PCDH11X: variants seen among roughly 807,000 people sequenced by gnomAD.
PCDH11X encodes protocadherin 11 X-linked.
A neutral mutation model predicts 53.3 loss-of-function variants in PCDH11X; 18 were observed. The observed-to-expected ratio is 0.34, with a 90% CI of 0.23 to 0.50. The LOEUF is 0.50. Among genes scored for constraint, PCDH11X ranks in the 20% least tolerant of loss-of-function variants. The pLI is 0.98. For synonymous variants in PCDH11X, 279 were observed against 393.3 expected (o/e 0.71, Z 3.44); for missense variants, 570 against 1,032.4 (o/e 0.55, Z 6.14).
At chrX:92,601,567 T>G (rs1374278422) in intron 10 of PCDH11X, among the ~76,000 whole-genome samples, 1 of 108,703 alleles carries the variant, frequency 9.2e-6, no homozygotes, top group Non-Finnish European at 1.9e-5. Context: ...GGGTATATAC[T>G]CAAAAGTAGT....
At position 92,486,834 on chromosome X, in the gene PCDH11X, C is replaced by A. The variant is rs1380574427; in HGVS notation, c.3367+18512C>A. On this transcript the variant is annotated intron_variant, in intron 10 of 10. Coordinates refer to ENST00000682573, the MANE Select transcript of PCDH11X (RefSeq NM_032968.5). The stretch of plus-strand genomic sequence containing the variant: ...AGCATATATTAAGCAGAGGTAAGAT[C>A]ATCATCTTGTCAAAGAAGGATTTTA... 5.6e-5 allele frequency among the ~76,000 whole-genome samples: 6 copies of A among 108,060 alleles called. No individual in the cohort carries two copies. The East Asian group carries it at 1.8e-3, about 32-fold the overall frequency. 93.8% of individuals were successfully genotyped at this position (108,060 alleles called of 115,157 possible).
intron 10 of PCDH11X, among the ~76,000 whole-genome samples, chrX:92,521,566 G>T (rs1448665067): frequency 1.8e-5 from 2 of 112,235 alleles, no homozygotes; most frequent in Admixed American, 1.9e-4. Flanking sequence ...AATGGTCAAT[G>T]AGCACTGGTT....
At chrX:92,156,453 A>C (rs2759782) in intron 6 of PCDH11X, among the ~76,000 whole-genome samples, 1 of 111,298 alleles carries the variant, frequency 9.0e-6, no homozygotes, top group African/African-American at 3.3e-5. Context: ...TTGCAACTAT[A>C]CTCCCACACA....
chrX:92,171,308 C>T (rs1243677184), intron 6 of PCDH11X, among the ~76,000 whole-genome samples: 3 of 104,422 alleles, frequency 2.9e-5, no homozygotes, highest in Non-Finnish European at 3.9e-5. Context: ...TGTTGTTTTT[C>T]CAAAATTTTA....
intron 1 of PCDH11X, among the ~76,000 whole-genome samples, chrX:91,802,635 T>C (rs931281627): frequency 8.9e-6 from 1 of 111,827 alleles, no homozygotes; most frequent in Non-Finnish European, 1.9e-5. Context: ...GTGATTTGTA[T>C]GGAGAATTGC....
At chrX:92,264,630 C>G (rs1017932381) in intron 8 of PCDH11X, among the ~76,000 whole-genome samples, 16 of 111,430 alleles carry the variant, frequency 1.4e-4, no homozygotes, top group African/African-American at 5.2e-4. Flanking sequence ...TGGAAATGAA[C>G]TTGTGGCTCA....
chrX:91,913,912 G>A (rs1834826911), intron 6 of PCDH11X, among the ~76,000 whole-genome samples: 1 of 108,611 alleles, frequency 9.2e-6, no homozygotes, highest in Non-Finnish European at 1.9e-5. Context: ...GTGTGTCCAT[G>A]TGACAACTTC....
chrX:92,160,785 C>T (rs1274808929), intron 6 of PCDH11X, among the ~76,000 whole-genome samples: 4 of 110,148 alleles, frequency 3.6e-5, no homozygotes, highest in Admixed American at 9.7e-5. Context: ...GTTTACATTT[C>T]CACCAGCAGT....
rs1187619357 is a variant in PCDH11X at position 91,829,834 on chromosome X, C to T, written c.-44-5627C>T. Among the ~76,000 whole-genome samples, 3 of 111,420 alleles carry T rather than the reference C, an allele frequency of 2.7e-5. No homozygotes were observed. In the East Asian group the frequency reaches 8.4e-4, roughly 31 times the overall value. ...AAATGAAATAACTGATTTGAAATCA[C>T]ATAGAGCAATTCAAATACTACACCA... On this transcript the variant is annotated intron_variant, in intron 4 of 10. Coordinates refer to ENST00000682573, the MANE Select transcript of PCDH11X (RefSeq NM_032968.5).
intron 6 of PCDH11X, among the ~76,000 whole-genome samples, chrX:92,174,959 T>C (rs1403116684): frequency 9.0e-6 from 1 of 111,521 alleles, no homozygotes; most frequent in Non-Finnish European, 1.9e-5. Context: ...AGTTCCAGCA[T>C]AAAAGCATAT....
intron 10 of PCDH11X, among the ~76,000 whole-genome samples, chrX:92,539,460 C>T: frequency 9.0e-6 from 1 of 111,153 alleles, no homozygotes; most frequent in East Asian, 2.9e-4. Context: ...ATTTCAATCT[C>T]TTTGTTAAAT....
chrX:92,101,210 C>T (rs770532722), intron 6 of PCDH11X, among the ~76,000 whole-genome samples: 12 of 111,254 alleles, frequency 1.1e-4, no homozygotes, highest in South Asian at 7.6e-4. Context: ...TAGTTGAGAA[C>T]GGAGAATAGG....
chrX:92,255,519 G>A (rs572073099), intron 7 of PCDH11X, among the ~76,000 whole-genome samples: 5,943 of 108,090 alleles, frequency 0.055, 374 homozygotes, highest in African/African-American at 0.17. Flanking sequence ...GAGGCGCTCT[G>A]ATTTTTAGAG....
chrX:92,327,259 A>G (rs1317395139), intron 8 of PCDH11X, among the ~76,000 whole-genome samples: 2 of 105,192 alleles, frequency 1.9e-5, no homozygotes, highest in Non-Finnish European at 3.9e-5. Context: ...AAGTCTTGAG[A>G]TACAAGATTG....
At chrX:92,555,030 G>A (rs1374997879) in intron 10 of PCDH11X, among the ~76,000 whole-genome samples, 3 of 111,736 alleles carry the variant, frequency 2.7e-5, no homozygotes, top group Non-Finnish European at 5.6e-5. Context: ...ATCAGAGCCT[G>A]AGTAGCAGGG....
At chrX:91,846,773 G>T (rs1417573054) in intron 5 of PCDH11X, among the ~76,000 whole-genome samples, 2 of 110,590 alleles carry the variant, frequency 1.8e-5, no homozygotes, top group Admixed American at 1.9e-4. Context: ...TATTTGTGGT[G>T]CATTGCCACA....
chrX:92,138,566 TATA>T (rs1569381342), intron 6 of PCDH11X, among the ~76,000 whole-genome samples: 2 of 111,066 alleles, frequency 1.8e-5, no homozygotes, highest in African/African-American at 6.5e-5. Context: ...GCATTGGAAA[TATA>T]ATATCAAATA....
intron 6 of PCDH11X, among the ~76,000 whole-genome samples, chrX:91,979,451 C>CT (rs1427261914): frequency 1.4e-5 from 1 of 71,446 alleles, no homozygotes; most frequent in African/African-American, 5.4e-5. Context: ...ATATTATATT[C>CT]TTTTTACCGT....
chrX:92,031,034 T>C (rs1301451457), intron 6 of PCDH11X, among the ~76,000 whole-genome samples: 1 of 110,928 alleles, frequency 9.0e-6, no homozygotes, highest in Non-Finnish European at 1.9e-5. Flanking sequence ...ATGGTAGCTT[T>C]ATTTCTAGTT....
Sources: gnomAD v4.1 joint callset for allele counts (sites outside exome capture counted in the v4.1 genomes callset) on GRCh38, gnomAD v4.1.1 for gene constraint, MANE v1.5 for transcripts, NCBI Gene and HGNC (gene_info 2026-07-23, HGNC 2026-07-21) for gene names.